Variants in ZFAND2A observed in about 807,000 individuals in gnomAD.
ZFAND2A encodes AN1-type zinc finger protein 2A.
Under a neutral mutation model 11.6 loss-of-function variants are expected in ZFAND2A, and 20 were observed. That is an observed-to-expected ratio of 1.72 (90% CI 1.21 to 2.50). ZFAND2A has a LOEUF of 2.50. Ranked by LOEUF, ZFAND2A falls within the 30% of genes most tolerant of loss-of-function variation. The pLI is 0.00. For synonymous variants in ZFAND2A, 93 were observed against 60.6 expected (o/e 1.54, Z -2.48); for missense variants, 234 against 182.9 (o/e 1.28, Z -1.61).
intron 1 of ZFAND2A, among the ~76,000 whole-genome samples, chr7:1,159,554 T>G (rs866176208): frequency 1.7e-5 from 1 of 59,606 alleles, no homozygotes; most frequent in Non-Finnish European, 3.2e-5. Context: ...GCAGGCCCGG[T>G]CCCCAGCAGA....
intron 4 of ZFAND2A, among the ~76,000 whole-genome samples, chr7:1,154,784 T>G (rs893200295): frequency 4.6e-5 from 7 of 152,198 alleles, no homozygotes; most frequent in Non-Finnish European, 1.0e-4. Flanking sequence ...CCAGGACCCA[T>G]GACTAGGAAC....
At chr7:1,148,950 G>A (rs530555072), downstream of ZFAND2A, among the ~76,000 whole-genome samples, 1 of 144,162 alleles carries the variant, frequency 6.9e-6, no homozygotes, top group Admixed American at 6.8e-5. Context: ...CCACATGCAT[G>A]CACCATCTGT....
At chr7:1,158,406 A>T (rs1055248243) in intron 1 of ZFAND2A, 149 bp from the exon 2 acceptor site, 3 of 575,786 alleles carry the variant, frequency 5.2e-6, no homozygotes, top group Non-Finnish European at 6.1e-6. Context: ...GGTGTCCGCC[A>T]TTCGTAGTCA....
intron 4 of ZFAND2A, among the ~76,000 whole-genome samples, chr7:1,154,937 G>A (rs1793486131): frequency 6.6e-6 from 1 of 152,092 alleles, no homozygotes; most frequent in Admixed American, 6.5e-5. Context: ...GGCCAACATA[G>A]TGAAACCCTG....
rs368243141 is a variant in ZFAND2A at position 1,153,038 on chromosome 7, G to A, written c.*31C>T. On this transcript the variant is annotated 3_prime_UTR_variant, in exon 5 of 5. Transcript: ENST00000316495. ...AAGCTGCTTCCACGCATGCTACTGC[G>A]TGCTCCGAGCCATCGCAGCGGAGTC... The A allele has an allele frequency of 1.7e-5, 28 of 1,613,754 alleles. No homozygotes were observed. The highest frequency in any genetic ancestry group is 1.1e-4 in the African/African-American group (8 of 74,900).
At chr7:1,154,898 T>G (rs962419174) in intron 4 of ZFAND2A, among the ~76,000 whole-genome samples, 1 of 152,112 alleles carries the variant, frequency 6.6e-6, no homozygotes, top group Admixed American at 6.5e-5. Flanking sequence ...GGCGGGCAGA[T>G]CATAAGGTGA....
At chr7:1,155,248 C>T (rs1178147465) in intron 4 of ZFAND2A, among the ~76,000 whole-genome samples, 1 of 152,194 alleles carries the variant, frequency 6.6e-6, no homozygotes, top group East Asian at 1.9e-4. Flanking sequence ...CGAACCTGAC[C>T]TGGGATCCCT....
In ZFAND2A at chr7:1,155,212, A is replaced by C. The variant is rs528898788; in HGVS notation, c.282+241T>G. Among the ~76,000 whole-genome samples the C allele has an allele frequency of 1.9e-3, 287 of 152,346 alleles. 1 individual carries two copies. Among genetic ancestry groups the C allele is most frequent in the Admixed American group, 3.7e-3 (57 of 15,302 alleles). On this transcript the variant is annotated intron_variant, in intron 4 of 4. Transcript: ENST00000316495. ...TGTGAATTCTCCATCTCAGGAGGGA[A>C]ACTAGTAAATTCCAGTCAAGAAAGA... is the stretch of plus-strand genomic sequence containing the variant.
downstream of ZFAND2A, among the ~76,000 whole-genome samples, chr7:1,150,786 A>C (rs991099555): frequency 1.8e-4 from 27 of 151,998 alleles, no homozygotes; most frequent in African/African-American, 5.8e-4. Context: ...CACTGGACAG[A>C]GCCATCTTCA....
chr7:1,159,073 C>A (rs964057528), intron 1 of ZFAND2A, among the ~76,000 whole-genome samples: 3 of 152,148 alleles, frequency 2.0e-5, no homozygotes, highest in Admixed American at 2.0e-4. Context: ...AGTTTAAAGC[C>A]ATTCCCACCC....
chr7:1,151,430 G>T (rs989870194), downstream of ZFAND2A, among the ~76,000 whole-genome samples: 1 of 151,928 alleles, frequency 6.6e-6, no homozygotes, highest in Non-Finnish European at 1.5e-5. Flanking sequence ...GGTGAAGAGC[G>T]CAAGTGAGCT....
chr7:1,149,907 C>A (rs1182502478), downstream of ZFAND2A, among the ~76,000 whole-genome samples: 1 of 149,356 alleles, frequency 6.7e-6, no homozygotes, highest in Admixed American at 6.7e-5. Flanking sequence ...GGCTGGAGTG[C>A]AATGGCACGA....
intron 3 of ZFAND2A, chr7:1,157,332 T>G (rs956716409): frequency 1.5e-5 from 3 of 200,388 alleles, no homozygotes. Context: ...ACAGCTATGG[T>G]GTAACAGATC....
chr7:1,150,768 T>C (rs148257065), downstream of ZFAND2A, among the ~76,000 whole-genome samples: 13 of 152,340 alleles, frequency 8.5e-5, no homozygotes, highest in Admixed American at 2.0e-4. Flanking sequence ...AAGTTTCCAC[T>C]GCTTCATCAC....
At chr7:1,149,188 C>T (rs1463955841), downstream of ZFAND2A, among the ~76,000 whole-genome samples, 1 of 152,186 alleles carries the variant, frequency 6.6e-6, no homozygotes, top group Non-Finnish European at 1.5e-5. Context: ...AACACCTGAT[C>T]TGCAGATTCA....
At chr7:1,152,642 T>C (rs1173277660), downstream of ZFAND2A, among the ~76,000 whole-genome samples, 1 of 152,002 alleles carries the variant, frequency 6.6e-6, no homozygotes, top group Non-Finnish European at 1.5e-5. Context: ...ATGACCAGCA[T>C]CCTTACAAAA....
chr7:1,151,866 C>T (rs771967462), downstream of ZFAND2A, among the ~76,000 whole-genome samples: 5 of 150,814 alleles, frequency 3.3e-5, no homozygotes, highest in Admixed American at 6.6e-5. Context: ...TACCTGAAGG[C>T]GGAAGTTACC....
intron 4 of ZFAND2A, among the ~76,000 whole-genome samples, chr7:1,155,223 T>TC (rs1370971605): frequency 6.6e-6 from 1 of 152,042 alleles, no homozygotes; most frequent in Non-Finnish European, 1.5e-5. Flanking sequence ...ACTAGTAAAT[T>TC]CCAGTCAAGA....
intron 3 of ZFAND2A, among the ~76,000 whole-genome samples, chr7:1,156,800 G>T (rs1486979139): frequency 5.3e-5 from 8 of 152,246 alleles, no homozygotes; most frequent in African/African-American, 9.6e-5. Flanking sequence ...ATGAAATAAA[G>T]TATTAGTAAA....
Sources: gnomAD v4.1 joint callset for allele counts (sites outside exome capture counted in the v4.1 genomes callset) on GRCh38, gnomAD v4.1.1 for gene constraint, MANE v1.5 for transcripts, NCBI Gene and HGNC (gene_info 2026-07-23, HGNC 2026-07-21) for gene names.